Variants in CCDC30 observed in about 807,000 individuals in gnomAD.
CCDC30 encodes coiled-coil domain-containing protein 30.
A neutral mutation model predicts 100.2 loss-of-function variants in CCDC30; 70 were observed. That is an observed-to-expected ratio of 0.70 (90% CI 0.58 to 0.85). The LOEUF (loss-of-function observed/expected upper bound fraction) is 0.85, where lower values mean the gene tolerates loss of function less well. Among genes scored for constraint, CCDC30 ranks in the 40% least tolerant of loss-of-function variants. The pLI is 0.00. For synonymous variants in CCDC30, 233 were observed against 269.5 expected (o/e 0.86, Z 1.33); for missense variants, 652 against 771.2 (o/e 0.85, Z 1.83).
the CCDC30 span, chr1:42,456,311 G>A: frequency 1.7e-6 from 1 of 597,072 alleles, no homozygotes; most frequent in Non-Finnish European, 2.9e-6. Flanking sequence ...CCCAGGCTAG[G>A]AAACGAACGT....
At position 42,644,782 on chromosome 1, in the gene CCDC30, G is replaced by A. The variant is rs369805433; in HGVS notation, c.1646G>A (p.Arg549Lys). 1.4e-4 allele frequency: 220 copies of A among 1,611,714 alleles called. No individual in the cohort carries two copies. Among genetic ancestry groups the A allele is most frequent in the Non-Finnish European group, 1.8e-4 (213 of 1,177,962 alleles). Residue 549 changes from arginine (R) to lysine (K), a missense_variant, in exon 14 of 17, where the codon AGG (arginine) becomes AAG (lysine). By Grantham distance (26) the Arg-to-Lys change is conservative (BLOSUM62 2). Coordinates refer to ENST00000668663, the Ensembl canonical transcript of CCDC30. The stretch of plus-strand genomic sequence containing the variant: ...ATTGGCTTCTTAGAGCGAATTATAA[G>A]GAGCATCCATATTCGCAGAGGAGAG...
At chr1:42,642,020 T>G (rs1340582649) in intron 12 of CCDC30, among the ~76,000 whole-genome samples, 2 of 152,014 alleles carry the variant, frequency 1.3e-5, no homozygotes, top group Non-Finnish European at 2.9e-5. Flanking sequence ...GGTCAGGAGA[T>G]CGAGACCATC....
chr1:42,534,234 A>T (rs1324107229), intron 6 of CCDC30, among the ~76,000 whole-genome samples: 1 of 151,828 alleles, frequency 6.6e-6, no homozygotes. Flanking sequence ...GGGGGGGTTC[A>T]TATTTAAGAG....
chr1:42,515,997 AAAT>A (rs1160847416), intron 6 of CCDC30, among the ~76,000 whole-genome samples: 1 of 152,194 alleles, frequency 6.6e-6, no homozygotes, highest in African/African-American at 2.4e-5. Context: ...TAGCTAGTGT[AAAT>A]AATGGGTGTA....
intron 6 of CCDC30, among the ~76,000 whole-genome samples, chr1:42,508,545 G>A (rs1293750123): frequency 6.6e-6 from 1 of 152,176 alleles, no homozygotes; most frequent in East Asian, 1.9e-4. Flanking sequence ...TAATTTGATA[G>A]CCCCAAAACT....
chr1:42,509,723 A>G (rs1262903249), intron 6 of CCDC30, among the ~76,000 whole-genome samples: 2 of 152,204 alleles, frequency 1.3e-5, no homozygotes. Flanking sequence ...ATGCAGAAAG[A>G]CACACAATGC....
intron 6 of CCDC30, among the ~76,000 whole-genome samples, chr1:42,511,252 A>T (rs1414969863): frequency 6.6e-6 from 1 of 152,118 alleles, no homozygotes; most frequent in African/African-American, 2.4e-5. Flanking sequence ...ACGATTACCC[A>T]TGTGACTCTA....
intron 6 of CCDC30, among the ~76,000 whole-genome samples, chr1:42,524,765 T>C (rs1644699667): frequency 6.6e-6 from 1 of 152,198 alleles, no homozygotes. Flanking sequence ...AACAGCAATT[T>C]ACCATCCAAC....
At chr1:42,467,137 A>G (rs1643616055) in intron 1 of CCDC30, among the ~76,000 whole-genome samples, 1 of 152,196 alleles carries the variant, frequency 6.6e-6, no homozygotes, top group Non-Finnish European at 1.5e-5. Context: ...GCGGCAGAAG[A>G]CAAGGCTAGA....
At chr1:42,641,006 A>G (rs965757571) in intron 12 of CCDC30, among the ~76,000 whole-genome samples, 1 of 152,124 alleles carries the variant, frequency 6.6e-6, no homozygotes, top group African/African-American at 2.4e-5. Flanking sequence ...CTGTAATCCC[A>G]GTCCTTTGGG....
chr1:42,622,966 A>G (rs1324828819), intron 11 of CCDC30, among the ~76,000 whole-genome samples: 1 of 152,066 alleles, frequency 6.6e-6, no homozygotes, highest in Non-Finnish European at 1.5e-5. Flanking sequence ...TTTGATTTGC[A>G]TTTCTCTGAT....
chr1:42,656,896 C>T (rs1648682977), downstream of CCDC30, among the ~76,000 whole-genome samples: 2 of 152,040 alleles, frequency 1.3e-5, no homozygotes, highest in African/African-American at 4.8e-5. Context: ...TTTTCACAAC[C>T]TCATCAACAT....
At chr1:42,563,292 A>G (rs12030077) in intron 6 of CCDC30, among the ~76,000 whole-genome samples, 30,464 of 152,176 alleles carry the variant, frequency 0.2, 3,363 homozygotes, top group South Asian at 0.42. Context: ...GAATGATATC[A>G]TGTCCTTTGC....
At chr1:42,629,329 C>A (rs1394474301) in intron 11 of CCDC30, among the ~76,000 whole-genome samples, 1 of 152,216 alleles carries the variant, frequency 6.6e-6, no homozygotes, top group Non-Finnish European at 1.5e-5. Context: ...TTTCCTTCAG[C>A]ACTTTAAATA....
intron 4 of CCDC30, among the ~76,000 whole-genome samples, chr1:42,494,286 A>G (rs1326235754): frequency 1.3e-5 from 2 of 152,244 alleles, no homozygotes; most frequent in Middle Eastern, 3.2e-3. Flanking sequence ...TGGTGCTGGG[A>G]AAACTGGCTA....
At chr1:42,632,223 A>G (rs72637940) in intron 11 of CCDC30, among the ~76,000 whole-genome samples, 23,890 of 152,008 alleles carry the variant, frequency 0.16, 2,106 homozygotes, top group South Asian at 0.31. Flanking sequence ...TTCCCTTCAA[A>G]GGAGCGGGTT....
intron 8 of CCDC30, among the ~76,000 whole-genome samples, chr1:42,577,862 G>A (rs2148586074): frequency 6.6e-6 from 1 of 152,138 alleles, no homozygotes; most frequent in East Asian, 1.9e-4. Flanking sequence ...GGGTGGTCTT[G>A]ATCTTCTGAC....
At chr1:42,608,716 C>CAAAAAAAAA (rs3044834) in intron 10 of CCDC30, among the ~76,000 whole-genome samples, 1 of 55,416 alleles carries the variant, frequency 1.8e-5, no homozygotes, top group African/African-American at 7.5e-5. Flanking sequence ...CTCTCTGTCT[C>CAAAAAAAAA]AAAAAAAAAA....
At chr1:42,615,749 T>C (rs1646715670) in intron 11 of CCDC30, among the ~76,000 whole-genome samples, 1 of 152,230 alleles carries the variant, frequency 6.6e-6, no homozygotes, top group African/African-American at 2.4e-5. Context: ...TAATGCTTTA[T>C]TATAATTATA....
Sources: gnomAD v4.1 joint callset for allele counts (sites outside exome capture counted in the v4.1 genomes callset) on GRCh38, gnomAD v4.1.1 for gene constraint, MANE v1.5 for transcripts, NCBI Gene and HGNC (gene_info 2026-07-23, HGNC 2026-07-21) for gene names.